TSPAN18: variants seen among roughly 807,000 people sequenced by gnomAD.
The protein encoded by TSPAN18 is tetraspanin-18.
In TSPAN18, 14 loss-of-function variants were observed where a neutral mutation model predicts 27.3. The ratio of observed to expected loss-of-function variants is 0.51; its 90% confidence interval spans 0.34 to 0.80. TSPAN18 has a LOEUF of 0.80. TSPAN18 is among the 30% of genes least tolerant of loss of function. The pLI is 0.01. For synonymous variants in TSPAN18, 143 were observed against 136.5 expected (o/e 1.05, Z -0.33); for missense variants, 268 against 323.9 (o/e 0.83, Z 1.32).
chr11:44,772,523 A>G (rs764736702), intron 2 of TSPAN18, among the ~76,000 whole-genome samples: 8 of 152,242 alleles, frequency 5.3e-5, no homozygotes, highest in Non-Finnish European at 1.2e-4. Context: ...TGCAAAATGC[A>G]TTAATGCTTA....
At position 44,930,628 on chromosome 11, in the gene TSPAN18, C is replaced by A. The variant is rs990207440; in HGVS notation, c.*1450C>A. 4 of 340,182 alleles carry A rather than the reference C, an allele frequency of 1.2e-5. No individual in the cohort carries two copies. The highest frequency in any genetic ancestry group is 6.5e-5 in the African/African-American group (3 of 46,330). 21.1% of individuals were successfully genotyped at this position (340,182 alleles called of 1,614,324 possible). ...AAGTATTCAGTTCTCAAACTCTAGACGAGTGTTGGCAACTGGATTGCAAGA... is the reference window on the plus strand; with the variant it reads ...AAGTATTCAGTTCTCAAACTCTAGAAGAGTGTTGGCAACTGGATTGCAAGA... On this transcript the variant is annotated 3_prime_UTR_variant, in exon 10 of 10. Coordinates refer to ENST00000520358, the MANE Select transcript of TSPAN18 (RefSeq NM_130783.5).
intron 2 of TSPAN18, among the ~76,000 whole-genome samples, chr11:44,845,859 G>T (rs965395640): frequency 6.6e-6 from 1 of 152,204 alleles, no homozygotes; most frequent in Non-Finnish European, 1.5e-5. Flanking sequence ...CACCTGGTAG[G>T]GTGAGCCATC....
intron 3 of TSPAN18, among the ~76,000 whole-genome samples, chr11:44,904,903 C>A (rs1334983923): frequency 6.6e-6 from 1 of 152,098 alleles, no homozygotes; most frequent in African/African-American, 2.4e-5. Flanking sequence ...TTGGACAAAT[C>A]CCTTAACCCT....
chr11:44,917,633 AGTGGGCTCAAACGGGTTTCATC>A (rs1174492405), intron 5 of TSPAN18: 1 of 210,994 alleles, frequency 4.7e-6, no homozygotes, highest in East Asian at 1.1e-4. Context: ...ATTTACCCAG[AGTGGGCTCAAACGGGTTTCATC>A]AGCGATCTCC....
At chr11:44,837,642 G>A (rs754188351) in intron 2 of TSPAN18, among the ~76,000 whole-genome samples, 26 of 152,244 alleles carry the variant, frequency 1.7e-4, no homozygotes, top group Middle Eastern at 3.4e-3. Context: ...AGAGTTGATC[G>A]GTGTGGCAAA....
At chr11:44,883,292 A>C (rs1444362898) in intron 3 of TSPAN18, among the ~76,000 whole-genome samples, 2 of 152,230 alleles carry the variant, frequency 1.3e-5, no homozygotes, top group African/African-American at 4.8e-5. Context: ...CCAAAAGGAC[A>C]ATACCTGAAT....
intron 3 of TSPAN18, among the ~76,000 whole-genome samples, chr11:44,893,585 C>T (rs1338123374): frequency 5.3e-5 from 8 of 152,212 alleles, no homozygotes; most frequent in Non-Finnish European, 1.0e-4. Flanking sequence ...CTCGGGCCGG[C>T]GTCCTGACCA....
At chr11:44,741,752 T>C (rs1284508631) in intron 1 of TSPAN18, among the ~76,000 whole-genome samples, 5 of 152,174 alleles carry the variant, frequency 3.3e-5, no homozygotes, top group Admixed American at 6.5e-5. Flanking sequence ...ACATGACCTT[T>C]GGCAAGTTAT....
At chr11:44,806,249 GCT>G (rs1172991241) in intron 2 of TSPAN18, among the ~76,000 whole-genome samples, 5 of 152,028 alleles carry the variant, frequency 3.3e-5, no homozygotes, top group Non-Finnish European at 5.9e-5. Flanking sequence ...TGGCCAGGCC[GCT>G]CTCAAACTCC....
intron 1 of TSPAN18, among the ~76,000 whole-genome samples, chr11:44,734,930 T>C (rs577970466): frequency 1.8e-4 from 28 of 152,312 alleles, no homozygotes; most frequent in African/African-American, 6.7e-4. Context: ...GTTGGTGTCT[T>C]AGCCCTTGGG....
At chr11:44,793,392 A>G (rs1240821751) in intron 2 of TSPAN18, among the ~76,000 whole-genome samples, 1 of 152,186 alleles carries the variant, frequency 6.6e-6, no homozygotes, top group Non-Finnish European at 1.5e-5. Flanking sequence ...TGTACTCAGA[A>G]ACGCACCAGG....
chr11:44,750,185 C>A (rs190144168), intron 1 of TSPAN18, among the ~76,000 whole-genome samples: 1 of 152,160 alleles, frequency 6.6e-6, no homozygotes, highest in Admixed American at 6.5e-5. Context: ...TTAGCAGCAT[C>A]GTTTTCCTTT....
intron 1 of TSPAN18, among the ~76,000 whole-genome samples, chr11:44,732,334 G>A (rs923481589): frequency 1.3e-5 from 2 of 152,220 alleles, no homozygotes; most frequent in Non-Finnish European, 2.9e-5. Context: ...CCGCCTACAA[G>A]GATGGTTTGG....
chr11:44,883,121 A>T (rs1054353134), intron 3 of TSPAN18, among the ~76,000 whole-genome samples: 2 of 152,220 alleles, frequency 1.3e-5, no homozygotes, highest in African/African-American at 4.8e-5. Flanking sequence ...TTACAGGATG[A>T]GACCCACCTT....
intron 2 of TSPAN18, among the ~76,000 whole-genome samples, chr11:44,790,645 C>G (rs1437283714): frequency 6.6e-6 from 1 of 152,024 alleles, no homozygotes; most frequent in Non-Finnish European, 1.5e-5. Context: ...CTTGCTTGAA[C>G]TATAGGAGAA....
chr11:44,806,742 T>C (rs1162446674), intron 2 of TSPAN18, among the ~76,000 whole-genome samples: 2 of 152,308 alleles, frequency 1.3e-5, no homozygotes, highest in East Asian at 3.9e-4. Flanking sequence ...TCTCCAACAA[T>C]TGTTGGAACG....
chr11:44,863,322 C>T (rs1218212562), intron 3 of TSPAN18, among the ~76,000 whole-genome samples: 2 of 152,230 alleles, frequency 1.3e-5, no homozygotes, highest in Non-Finnish European at 2.9e-5. Flanking sequence ...CAGATGAACT[C>T]GGTTAGCCTT....
At chr11:44,755,004 C>A (rs1855299168) in intron 1 of TSPAN18, among the ~76,000 whole-genome samples, 1 of 152,194 alleles carries the variant, frequency 6.6e-6, no homozygotes, top group Non-Finnish European at 1.5e-5. Flanking sequence ...CCCTGGCTGG[C>A]ATGTGCTGTC....
In TSPAN18 at chr11:44,846,409, G is replaced by C. The variant is rs1034488486; in HGVS notation, c.-152-13919G>C. Among the ~76,000 whole-genome samples, 8 of 152,362 alleles carry C rather than the reference G, an allele frequency of 5.3e-5. 1 individual carries two copies. The Middle Eastern group carries it at 0.01, about 194-fold the overall frequency. ...GTTGGGCGCAGGCCTGTGCAGTGATGGGGGAGGGCGCTTGGCAGGGGCCTG... is the reference window on the plus strand; with the variant it reads ...GTTGGGCGCAGGCCTGTGCAGTGATCGGGGAGGGCGCTTGGCAGGGGCCTG... On this transcript the variant is annotated intron_variant, in intron 2 of 9. Transcript: ENST00000520358.
Sources: gnomAD v4.1 joint callset for allele counts (sites outside exome capture counted in the v4.1 genomes callset) on GRCh38, gnomAD v4.1.1 for gene constraint, MANE v1.5 for transcripts, NCBI Gene and HGNC (gene_info 2026-07-23, HGNC 2026-07-21) for gene names.